PDZD8: variants seen among roughly 807,000 people sequenced by gnomAD.
PDZD8 encodes PDZ domain-containing protein 8.
PDZD8 carries 14 observed loss-of-function variants against 85.8 expected under a neutral mutation model. The ratio of observed to expected loss-of-function variants is 0.16; its 90% CI spans 0.11 to 0.26. The LOEUF (loss-of-function observed/expected upper bound fraction) is 0.26, where lower values mean the gene tolerates loss of function less well. Ranked by LOEUF, PDZD8 falls within the 10% of genes least tolerant of loss-of-function variation. The pLI, the probability that PDZD8 is intolerant of heterozygous loss-of-function variation, is 1.00. For synonymous variants in PDZD8, 592 were observed against 568.6 expected, an observed-to-expected ratio of 1.04 and a Z score of -0.59; for missense variants, 1,197 against 1,424.3, an observed-to-expected ratio of 0.84 and a Z score of 2.57.
chr10:117,316,790 T>A (rs370656436), intron 3 of PDZD8, among the ~76,000 whole-genome samples: 11 of 152,210 alleles, frequency 7.2e-5, no homozygotes, highest in African/African-American at 2.7e-4. Context: ...TGCCTTCTAC[T>A]TCTACAAAGG....
chr10:117,373,390 T>C (rs1845226298), intron 1 of PDZD8, among the ~76,000 whole-genome samples: 1 of 151,996 alleles, frequency 6.6e-6, no homozygotes, highest in South Asian at 2.1e-4. Flanking sequence ...CTACCCAAAA[T>C]GGGCAAATGA....
At chr10:117,335,743 C>G (rs1844505613) in intron 2 of PDZD8, among the ~76,000 whole-genome samples, 1 of 152,188 alleles carries the variant, frequency 6.6e-6, no homozygotes, top group African/African-American at 2.4e-5. Flanking sequence ...ACTTGACCCC[C>G]ACGTTCCCTC....
At chr10:117,358,882 C>A (rs560535611) in intron 1 of PDZD8, among the ~76,000 whole-genome samples, 2 of 152,138 alleles carry the variant, frequency 1.3e-5, no homozygotes, top group Non-Finnish European at 2.9e-5. Flanking sequence ...ATCAAACCTT[C>A]TATTTATCTA....
intron 2 of PDZD8, among the ~76,000 whole-genome samples, chr10:117,323,580 A>T (rs1844264089): frequency 6.6e-6 from 1 of 152,166 alleles, no homozygotes; most frequent in East Asian, 1.9e-4. Flanking sequence ...CATGGTCTTA[A>T]TTGGAACCTA....
intron 3 of PDZD8, among the ~76,000 whole-genome samples, chr10:117,294,681 C>A (rs1843726396): frequency 6.6e-6 from 1 of 152,166 alleles, no homozygotes; most frequent in East Asian, 1.9e-4. Flanking sequence ...CCACAAAAAA[C>A]AAAACCCCAG....
At chr10:117,362,469 T>C (rs1261826383) in intron 1 of PDZD8, among the ~76,000 whole-genome samples, 1 of 152,090 alleles carries the variant, frequency 6.6e-6, no homozygotes, top group Non-Finnish European at 1.5e-5. Flanking sequence ...CAGGAATTCC[T>C]CATCTTCTAA....
In PDZD8 at chr10:117,280,903, A is replaced by G. The variant is rs966489023; in HGVS notation, c.*2365T>C. On this transcript the variant is annotated 3_prime_UTR_variant, in exon 5 of 5. Coordinates refer to ENST00000334464, the MANE Select transcript of PDZD8 (RefSeq NM_173791.5). ...TCATGAAAACTTCCATGGTTTAATCAATAAACACCAGCTACTTACAAGTAG... is the reference window on the plus strand; with the variant it reads ...TCATGAAAACTTCCATGGTTTAATCGATAAACACCAGCTACTTACAAGTAG... 2 of 152,240 alleles carry G rather than the reference A, an allele frequency of 1.3e-5. No homozygotes were observed. The highest frequency in any genetic ancestry group is 4.8e-5 in the African/African-American group (2 of 41,464). The allele number at this position is 152,240 out of a possible 1,614,324, so 9.4% of individuals were successfully genotyped here.
intron 3 of PDZD8, among the ~76,000 whole-genome samples, chr10:117,299,014 T>C (rs1483321081): frequency 2.6e-5 from 4 of 152,094 alleles, no homozygotes; most frequent in African/African-American, 9.7e-5. Context: ...GCCCTCCATA[T>C]CCATCACAGT....
chr10:117,373,570 C>G (rs969492590), intron 1 of PDZD8, among the ~76,000 whole-genome samples: 18 of 122,320 alleles, frequency 1.5e-4, no homozygotes, highest in African/African-American at 5.7e-4. Flanking sequence ...CCAGCCTGGC[C>G]AATACGGTGA....
intron 4 of PDZD8, 154 bp from the exon 5 acceptor site, chr10:117,285,625 T>G: frequency 1.7e-6 from 2 of 1,172,440 alleles, no homozygotes; most frequent in Non-Finnish European, 2.2e-6. Context: ...AATATTTTAT[T>G]TGGCTTTTGG....
intron 1 of PDZD8, among the ~76,000 whole-genome samples, chr10:117,356,064 G>A (rs1304275985): frequency 6.6e-6 from 1 of 151,678 alleles, no homozygotes; most frequent in Non-Finnish European, 1.5e-5. Flanking sequence ...GATAGTATCT[G>A]GATCTCATTC....
At chr10:117,335,941 C>A (rs938619299) in intron 2 of PDZD8, among the ~76,000 whole-genome samples, 4 of 152,150 alleles carry the variant, frequency 2.6e-5, no homozygotes. Context: ...AAGCAAGGAA[C>A]AATTCCATAA....
chr10:117,323,050 C>T (rs1378328160), intron 2 of PDZD8, among the ~76,000 whole-genome samples: 1 of 152,062 alleles, frequency 6.6e-6, no homozygotes, highest in Admixed American at 6.5e-5. Flanking sequence ...GAGTATTAAG[C>T]CTGAAAGCTG....
chr10:117,330,949 A>G (rs1180419246), intron 2 of PDZD8, among the ~76,000 whole-genome samples: 3 of 152,144 alleles, frequency 2.0e-5, no homozygotes, highest in African/African-American at 4.8e-5. Context: ...AGTTTCCTGA[A>G]TCTTATCCAT....
chr10:117,307,028 C>T (rs1843954980), intron 3 of PDZD8, among the ~76,000 whole-genome samples: 2 of 152,036 alleles, frequency 1.3e-5, no homozygotes, highest in African/African-American at 2.4e-5. Flanking sequence ...GAATCAACAG[C>T]CTTTTATTTT....
Position 117,284,597 on chromosome 10 carries a change from G to A in PDZD8, c.2136C>T (p.Asn712=). The A allele has an allele frequency of 1.2e-6, 2 of 1,614,190 alleles. No homozygotes were observed. Among genetic ancestry groups the A allele is most frequent in the Non-Finnish European group, 1.7e-6 (2 of 1,180,034 alleles). Residue 712 remains asparagine (N), a synonymous_variant, in exon 5 of 5, where the codon AAC becomes AAT. Coordinates refer to ENST00000334464, the MANE Select transcript of PDZD8 (RefSeq NM_173791.5). ...FDIEACHRYL[N]IALWCRDPFK... ...AAGGATCCCTGCACCACAATGCAAT[G>A]TTTAAGTACCTGTGACAGGCTTCTA...
chr10:117,284,630 C>T lies in PDZD8; in HGVS notation c.2103G>A (p.Leu701=). The change falls in exon 5 of 5, where the codon TTG becomes TTA. Residue 701 remains leucine (L), a synonymous_variant. Transcript: ENST00000334464. ...ACCTGTGACAGGCTTCTATGTCAAACAAACAGGATGCTCTGGTTCTTGTCC... is the reference window on the plus strand; with the variant it reads ...ACCTGTGACAGGCTTCTATGTCAAATAAACAGGATGCTCTGGTTCTTGTCC... The part of the protein sequence containing the change: ...GKWTRTRASC[L]FDIEACHRYL... The T allele has an allele frequency of 6.2e-7, 1 of 1,614,210 alleles. No individual in the cohort carries two copies. Among genetic ancestry groups the T allele is most frequent in the South Asian group, 1.1e-5 (1 of 91,086 alleles).
chr10:117,300,110 T>G (rs1478149752), intron 3 of PDZD8, among the ~76,000 whole-genome samples: 1 of 152,142 alleles, frequency 6.6e-6, no homozygotes, highest in Admixed American at 6.6e-5. Flanking sequence ...CCTCCAGGTC[T>G]CTTTTCAGTA....
At chr10:117,342,141 G>A (rs1462768348) in intron 1 of PDZD8, among the ~76,000 whole-genome samples, 1 of 152,076 alleles carries the variant, frequency 6.6e-6, no homozygotes, top group Non-Finnish European at 1.5e-5. Flanking sequence ...AATTATCCAG[G>A]CATTCATATG....
Sources: gnomAD v4.1 joint callset for allele counts (sites outside exome capture counted in the v4.1 genomes callset) on GRCh38, gnomAD v4.1.1 for gene constraint, MANE v1.5 for transcripts, NCBI Gene and HGNC (gene_info 2026-07-23, HGNC 2026-07-21) for gene names.